PRKCH: variants seen among roughly 807,000 people sequenced by gnomAD.
PRKCH encodes the protein protein kinase C eta type.
A neutral mutation model predicts 82.5 loss-of-function variants in PRKCH; 28 were observed. That is an observed-to-expected ratio of 0.34 (90% confidence interval 0.25 to 0.47). The LOEUF is 0.47. Ranked by LOEUF, PRKCH falls within the 20% of genes least tolerant of loss-of-function variation. The probability of loss-of-function intolerance (pLI) is 1.00; values close to 1 mark genes in which losing one functional copy is unlikely to be tolerated. For synonymous variants in PRKCH, 322 were observed against 327.4 expected, an observed-to-expected ratio of 0.98 and a Z score of 0.18; for missense variants, 705 against 881.8, an observed-to-expected ratio of 0.80 and a Z score of 2.54.
intron 1 of PRKCH, among the ~76,000 whole-genome samples, chr14:61,223,036 C>T (rs539591376): frequency 1.5e-3 from 223 of 152,268 alleles, no homozygotes; most frequent in African/African-American, 5.0e-3. Context: ...CTAATTTTTG[C>T]ACCAAGCAGC....
chr14:61,360,086 A>G (rs2046203189), intron 1 of PRKCH, among the ~76,000 whole-genome samples: 1 of 152,244 alleles, frequency 6.6e-6, no homozygotes, highest in African/African-American at 2.4e-5. Flanking sequence ...CTTTAGCGAC[A>G]ATAGCATTCA....
chr14:61,457,933 G>C (rs1451918424), intron 9 of PRKCH, among the ~76,000 whole-genome samples: 2 of 152,216 alleles, frequency 1.3e-5, no homozygotes, highest in Non-Finnish European at 2.9e-5. Flanking sequence ...GATTGAAAAG[G>C]TCATCATACA....
chr14:61,339,156 T>C (rs1315272668), intron 1 of PRKCH, among the ~76,000 whole-genome samples: 1 of 151,616 alleles, frequency 6.6e-6, no homozygotes, highest in African/African-American at 2.4e-5. Context: ...TTTCTTCTGC[T>C]TGGGCCATTG....
intron 9 of PRKCH, among the ~76,000 whole-genome samples, chr14:61,462,087 G>A (rs1233510391): frequency 1.3e-5 from 2 of 152,300 alleles, no homozygotes; most frequent in Non-Finnish European, 2.9e-5. Context: ...TAGGCTAAAT[G>A]ATAAAGAAGT....
At chr14:61,526,227 T>C (rs954755450) in intron 10 of PRKCH, among the ~76,000 whole-genome samples, 1 of 152,236 alleles carries the variant, frequency 6.6e-6, no homozygotes, top group Non-Finnish European at 1.5e-5. Flanking sequence ...CAGTCACTTA[T>C]ATGGGACATG....
chr14:61,448,077 A>G (rs1324253056), intron 4 of PRKCH, among the ~76,000 whole-genome samples: 2 of 152,234 alleles, frequency 1.3e-5, no homozygotes, highest in Non-Finnish European at 2.9e-5. Context: ...ACCTCAAAAA[A>G]TAAAGTATTT....
chr14:61,524,099 GCT>G (rs1485381395), intron 10 of PRKCH, among the ~76,000 whole-genome samples: 1 of 152,216 alleles, frequency 6.6e-6, no homozygotes, highest in Non-Finnish European at 1.5e-5. Context: ...CAAGGAGCCA[GCT>G]CTCAACTCGC....
intron 2 of PRKCH, among the ~76,000 whole-genome samples, chr14:61,408,033 T>A (rs1882053985): frequency 6.6e-6 from 1 of 152,222 alleles, no homozygotes. Context: ...ATCCTGAATC[T>A]GAGCATTTGT....
chr14:61,411,408 T>C (rs1413566771), intron 2 of PRKCH, among the ~76,000 whole-genome samples: 1 of 152,204 alleles, frequency 6.6e-6, no homozygotes, highest in Non-Finnish European at 1.5e-5. Context: ...CTTGGATTTT[T>C]CAGTTTAAAA....
chr14:61,399,920 T>C (rs897417866), intron 2 of PRKCH, among the ~76,000 whole-genome samples: 1 of 152,216 alleles, frequency 6.6e-6, no homozygotes, highest in African/African-American at 2.4e-5. Context: ...TTACTTCTGC[T>C]AAAACCTTGA....
intron 1 of PRKCH, chr14:61,279,777 G>A (rs1235399124): frequency 1.9e-5 from 6 of 322,608 alleles, no homozygotes; most frequent in Non-Finnish European, 3.4e-5. Flanking sequence ...CTCTAATAGG[G>A]GTTTAATAGG....
rs71117812 is a variant in PRKCH, at chr14:61,329,234, C to CTT, written c.363+6789_363+6790dup. Among the ~76,000 whole-genome samples the CTT allele has an allele frequency of 4.4e-3, 276 of 63,438 alleles. 18 individuals carry two copies. The highest frequency in any genetic ancestry group is 0.018 in the African/African-American group (265 of 14,744). 41.6% of individuals were successfully genotyped at this position (63,438 alleles called of 152,430 possible). On this transcript the variant is annotated intron_variant, in intron 1 of 13. Transcript: ENST00000332981. ...ACTGCTCTTAGATAAACTCCTGAGT[C>CTT]TTTTTTTTTTTTTTTTTTTTGAGAC... is the stretch of plus-strand genomic sequence containing the variant.
At chr14:61,546,440 C>T (rs968665233) in intron 12 of PRKCH, among the ~76,000 whole-genome samples, 2 of 152,212 alleles carry the variant, frequency 1.3e-5, no homozygotes, top group African/African-American at 4.8e-5. Context: ...TTATTAGCTG[C>T]CCTTTGAAGC....
chr14:61,320,172 A>G (rs2045596984), upstream of PRKCH, among the ~76,000 whole-genome samples: 1 of 152,170 alleles, frequency 6.6e-6, no homozygotes. Flanking sequence ...AGCCTGGATG[A>G]CAAAGCAAAA....
At chr14:61,416,269 A>G (rs960417280) in intron 2 of PRKCH, among the ~76,000 whole-genome samples, 1 of 151,850 alleles carries the variant, frequency 6.6e-6, no homozygotes, top group Non-Finnish European at 1.5e-5. Context: ...TGCCCAGGCT[A>G]GTCTTGAACT....
chr14:61,505,642 T>C (rs899597774), intron 10 of PRKCH, among the ~76,000 whole-genome samples: 2 of 152,022 alleles, frequency 1.3e-5, no homozygotes, highest in African/African-American at 4.8e-5. Context: ...GCCAAAGTGC[T>C]GGGATTAGGA....
intron 1 of PRKCH, among the ~76,000 whole-genome samples, chr14:61,188,588 TCGGGGGG>T (rs1283317025): frequency 0.028 from 1,965 of 69,326 alleles, 360 homozygotes; most frequent in African/African-American, 0.093. Context: ...TGTGTGTGTG[TCGGGGGG>T]GTGGGGGGGT....
intron 1 of PRKCH, among the ~76,000 whole-genome samples, chr14:61,239,182 C>A (rs2044814364): frequency 6.6e-6 from 1 of 152,208 alleles, no homozygotes; most frequent in Non-Finnish European, 1.5e-5. Context: ...CCCAAACATA[C>A]TCTTCCACCC....
rs781393660 is a variant in PRKCH, at chr14:61,450,978, T to C, written c.832+7T>C. 3.1e-6 allele frequency: 5 copies of C among 1,613,412 alleles called. No homozygotes were observed. Among genetic ancestry groups the C allele is most frequent in the Non-Finnish European group, 4.2e-6 (5 of 1,179,696 alleles). ...CAAGGACTTCAGTGTAAAAGTGAGA[T>C]GCTGAGGTGCTGGGTACCCACCTCT... On this transcript the variant is annotated splice_region_variant and intron_variant, in intron 6 of 13. Transcript: ENST00000332981.
Sources: gnomAD v4.1 joint callset for allele counts (sites outside exome capture counted in the v4.1 genomes callset) on GRCh38, gnomAD v4.1.1 for gene constraint, MANE v1.5 for transcripts, NCBI Gene and HGNC (gene_info 2026-07-23, HGNC 2026-07-21) for gene names.